Variants in THSD4 observed in about 807,000 individuals in gnomAD.
THSD4 encodes the protein thrombospondin type 1 domain containing 4.
In THSD4, 69 loss-of-function variants were observed where a neutral mutation model predicts 119.0. The observed-to-expected ratio is 0.58, with a 90% CI of 0.48 to 0.71. The LOEUF (loss-of-function observed/expected upper bound fraction) is 0.71. THSD4 is among the 30% of genes least tolerant of loss of function. The pLI is 0.00. For synonymous variants in THSD4, 524 were observed against 540.4 expected, an observed-to-expected ratio of 0.97 and a Z score of 0.42; for missense variants, 1,393 against 1,391.1, an observed-to-expected ratio of 1.00 and a Z score of -0.02.
At chr15:71,483,251 C>A (rs982996333) in intron 7 of THSD4, among the ~76,000 whole-genome samples, 1 of 152,154 alleles carries the variant, frequency 6.6e-6, no homozygotes, top group Non-Finnish European at 1.5e-5. Flanking sequence ...GTCACAGTCT[C>A]CAATACCTCA....
At chr15:71,624,602 G>A (rs1274118716) in intron 7 of THSD4, among the ~76,000 whole-genome samples, 1 of 151,624 alleles carries the variant, frequency 6.6e-6, no homozygotes, top group Non-Finnish European at 1.5e-5. Flanking sequence ...TGGTGTTAAT[G>A]TGTAAATCCA....
At chr15:71,577,091 C>CAA (rs33941509) in intron 7 of THSD4, among the ~76,000 whole-genome samples, 1 of 142,540 alleles carries the variant, frequency 7.0e-6, no homozygotes, top group African/African-American at 2.6e-5. Flanking sequence ...ATTGTCCTAA[C>CAA]AAAAAAAAAA....
intron 7 of THSD4, among the ~76,000 whole-genome samples, chr15:71,574,645 T>C (rs1234167552): frequency 6.6e-5 from 10 of 152,140 alleles, no homozygotes; most frequent in Admixed American, 6.5e-4. Flanking sequence ...CATCATGCTA[T>C]GTGACCCTGA....
chr15:71,743,007 A>G (rs1480126074), intron 11 of THSD4, among the ~76,000 whole-genome samples: 5 of 152,140 alleles, frequency 3.3e-5, no homozygotes, highest in Admixed American at 1.3e-4. Flanking sequence ...GTGAGCAGAG[A>G]TCGTGCCACT....
chr15:71,711,703 A>G (rs1265435292), intron 8 of THSD4, among the ~76,000 whole-genome samples: 8 of 152,138 alleles, frequency 5.3e-5, no homozygotes, highest in Non-Finnish European at 1.2e-4. Flanking sequence ...AAGGAAACAC[A>G]TTTTTGAAAA....
intron 7 of THSD4, among the ~76,000 whole-genome samples, chr15:71,608,280 A>ACACACT (rs1178028968): frequency 1.4e-5 from 2 of 147,116 alleles, no homozygotes; most frequent in Non-Finnish European, 3.0e-5. Flanking sequence ...ACACACACAC[A>ACACACT]CACTCATTGT....
intron 8 of THSD4, among the ~76,000 whole-genome samples, chr15:71,681,568 G>A (rs918164961): frequency 1.6e-4 from 25 of 151,742 alleles, no homozygotes; most frequent in African/African-American, 5.3e-4. Flanking sequence ...CCAGCTACTC[G>A]GGAGGCTGGG....
At chr15:71,652,825 C>T (rs1293496365) in intron 7 of THSD4, among the ~76,000 whole-genome samples, 2 of 152,296 alleles carry the variant, frequency 1.3e-5, no homozygotes, top group African/African-American at 4.8e-5. Flanking sequence ...CAATTGCTTT[C>T]ATTTAGGAAG....
intron 7 of THSD4, among the ~76,000 whole-genome samples, chr15:71,526,035 A>T (rs902307358): frequency 6.6e-6 from 1 of 152,202 alleles, no homozygotes; most frequent in South Asian, 2.1e-4. Flanking sequence ...CTGCTCCTGG[A>T]TATATTATCA....
intron 7 of THSD4, among the ~76,000 whole-genome samples, chr15:71,520,495 C>G (rs1337681844): frequency 6.6e-6 from 1 of 152,174 alleles, no homozygotes; most frequent in African/African-American, 2.4e-5. Flanking sequence ...AGAAGAGTTT[C>G]GTCTAAACAA....
At chr15:71,129,464 G>C (rs2040483722) in intron 1 of THSD4, among the ~76,000 whole-genome samples, 1 of 152,124 alleles carries the variant, frequency 6.6e-6, no homozygotes, top group Non-Finnish European at 1.5e-5. Flanking sequence ...TGATGACAAA[G>C]TTCAAGAAAA....
chr15:71,597,495 A>G (rs778991202), intron 7 of THSD4, among the ~76,000 whole-genome samples: 3 of 152,214 alleles, frequency 2.0e-5, no homozygotes, highest in African/African-American at 4.8e-5. Context: ...TCTATAGACA[A>G]CATACATTAT....
intron 6 of THSD4, among the ~76,000 whole-genome samples, chr15:71,297,315 C>CTTTTTTTTTTTTTT (rs772196153): frequency 7.3e-6 from 1 of 137,658 alleles, no homozygotes; most frequent in Non-Finnish European, 1.6e-5. Context: ...CTCTCCTCTT[C>CTTTTTTTTTTTTTT]TTTTTTTTGT....
At chr15:71,152,248 C>A (rs1424916651) in intron 2 of THSD4, among the ~76,000 whole-genome samples, 4 of 151,900 alleles carry the variant, frequency 2.6e-5, no homozygotes, top group Admixed American at 1.3e-4. Flanking sequence ...CATGGTGAAA[C>A]CCCATCTCCA....
intron 6 of THSD4, among the ~76,000 whole-genome samples, chr15:71,354,641 T>G (rs2045785092): frequency 6.6e-6 from 1 of 152,230 alleles, no homozygotes; most frequent in South Asian, 2.1e-4. Flanking sequence ...GGCTCTAACA[T>G]TATTTCTAGC....
At chr15:71,110,079 A>G (rs2040292609) in intron 1 of THSD4, among the ~76,000 whole-genome samples, 1 of 152,202 alleles carries the variant, frequency 6.6e-6, no homozygotes, top group Admixed American at 6.5e-5. Flanking sequence ...GATTAGCCTC[A>G]AACAGAGAAG....
chr15:71,438,392 T>C (rs1016643260), intron 7 of THSD4, among the ~76,000 whole-genome samples: 2 of 152,208 alleles, frequency 1.3e-5, no homozygotes, highest in Non-Finnish European at 2.9e-5. Flanking sequence ...ATTTTCTCTT[T>C]TGTGATTCTG....
chr15:71,557,616 A>G (rs915884704), intron 7 of THSD4, among the ~76,000 whole-genome samples: 1 of 152,160 alleles, frequency 6.6e-6, no homozygotes, highest in Non-Finnish European at 1.5e-5. Context: ...TTTCCCCCAC[A>G]GGGAAATTTT....
At chr15:71,456,188 C>T (rs1366736731) in intron 7 of THSD4, among the ~76,000 whole-genome samples, 2 of 152,134 alleles carry the variant, frequency 1.3e-5, no homozygotes, top group African/African-American at 4.8e-5. Flanking sequence ...TGAAAATGTC[C>T]CGTTAAGCAT....
Sources: allele counts gnomAD v4.1 joint callset (sites outside exome capture counted in the v4.1 genomes callset), GRCh38; gene constraint gnomAD v4.1.1; transcripts MANE v1.5; gene names NCBI Gene and HGNC (gene_info 2026-07-23, HGNC 2026-07-21).